The following RAB28 variants were observed in gnomAD, a reference collection of about 807,000 sequenced individuals.
The protein encoded by RAB28 is RAB28, member RAS oncogene family.
Under a neutral mutation model 31.7 loss-of-function variants are expected in RAB28, and 24 were observed. The ratio of observed to expected loss-of-function variants is 0.76; its 90% confidence interval spans 0.55 to 1.06. The LOEUF (loss-of-function observed/expected upper bound fraction) is 1.06, where lower values mean the gene tolerates loss of function less well. Among genes scored for constraint, RAB28 ranks in the 50% least tolerant of loss-of-function variants. The pLI, the probability that RAB28 is intolerant of heterozygous loss-of-function variation, is 0.00. For synonymous variants in RAB28, 100 were observed against 90.4 expected (o/e 1.11, Z -0.60); for missense variants, 254 against 258.5 (o/e 0.98, Z 0.12).
chr4:13,396,752 A>T (rs1232550953), intron 4 of RAB28, among the ~76,000 whole-genome samples: 1 of 152,040 alleles, frequency 6.6e-6, no homozygotes, highest in Non-Finnish European at 1.5e-5. Context: ...CCACTTTCAA[A>T]ACTGGGTTTT....
intron 4 of RAB28, among the ~76,000 whole-genome samples, chr4:13,430,406 C>T (rs183099491): frequency 2.6e-5 from 4 of 152,268 alleles, no homozygotes; most frequent in Admixed American, 6.5e-5. Context: ...ACCCAAGAAA[C>T]TCAGAGTCCC....
intron 4 of RAB28, among the ~76,000 whole-genome samples, chr4:13,427,654 A>C (rs1713580225): frequency 6.6e-6 from 1 of 152,212 alleles, no homozygotes; most frequent in South Asian, 2.1e-4. Context: ...ACTAAGCTGC[A>C]CGTGAATATG....
intron 4 of RAB28, among the ~76,000 whole-genome samples, chr4:13,401,925 A>G (rs1015611298): frequency 9.2e-5 from 14 of 152,238 alleles, no homozygotes; most frequent in Admixed American, 4.6e-4. Context: ...ATATTTCTCT[A>G]AACACTGCAT....
At chr4:13,408,740 T>C (rs552936727) in intron 4 of RAB28, among the ~76,000 whole-genome samples, 13 of 152,176 alleles carry the variant, frequency 8.5e-5, no homozygotes, top group African/African-American at 1.2e-4. Context: ...CATAAGTTCC[T>C]GAATTTTCTA....
intron 4 of RAB28, among the ~76,000 whole-genome samples, chr4:13,428,034 G>A (rs960914844): frequency 1.3e-5 from 2 of 152,112 alleles, no homozygotes; most frequent in African/African-American, 2.4e-5. Flanking sequence ...GAGCAAGCAG[G>A]GGGTACATAA....
At chr4:13,422,448 C>T (rs1713214172) in intron 4 of RAB28, among the ~76,000 whole-genome samples, 1 of 152,120 alleles carries the variant, frequency 6.6e-6, no homozygotes, top group African/African-American at 2.4e-5. Context: ...CACATGCACA[C>T]CTATGTTTAT....
intron 5 of RAB28, among the ~76,000 whole-genome samples, chr4:13,377,478 T>A (rs1373544685): frequency 6.6e-6 from 1 of 152,194 alleles, no homozygotes; most frequent in Non-Finnish European, 1.5e-5. Context: ...TCACTGATGG[T>A]CAATGGTCAA....
At chr4:13,474,288 A>G (rs1716250537) in intron 3 of RAB28, 30 bp downstream of exon 3, 4 of 1,409,636 alleles carry the variant, frequency 2.8e-6, no homozygotes, top group Non-Finnish European at 4.0e-6. Flanking sequence ...TATACTTTCA[A>G]TACTGGAATA....
At chr4:13,455,107 T>A (rs1044725649) in intron 4 of RAB28, among the ~76,000 whole-genome samples, 1 of 152,148 alleles carries the variant, frequency 6.6e-6, no homozygotes, top group East Asian at 1.9e-4. Context: ...GGGGATGTAT[T>A]TGCCAGGGGC....
chr4:13,463,520 C>A (rs1377903274), intron 3 of RAB28, among the ~76,000 whole-genome samples: 1 of 152,140 alleles, frequency 6.6e-6, no homozygotes, highest in Non-Finnish European at 1.5e-5. Context: ...GTGGCTACAA[C>A]AGAGACAACA....
rs200975881 is a variant in RAB28 at position 13,429,393 on chromosome 4, C to CA, written c.391+31305dup. On this transcript the variant is annotated intron_variant, in intron 4 of 6. Transcript: ENST00000330852. Reference sequence around the variant, plus strand: ...TATATTGAAAATCTTGAAGAATCCACAAAAAAAACTATTAGAGGAAATAAA... The same window carrying CA: ...TATATTGAAAATCTTGAAGAATCCACAAAAAAAAACTATTAGAGGAAATAAA... 4.0e-3 allele frequency among the ~76,000 whole-genome samples: 603 copies of CA among 151,494 alleles called. 5 individuals are homozygous for CA. Among genetic ancestry groups the CA allele is most frequent in the African/African-American group, 0.013 (554 of 41,322 alleles).
chr4:13,478,649 G>A (rs1716471808), intron 2 of RAB28, among the ~76,000 whole-genome samples: 1 of 151,626 alleles, frequency 6.6e-6, no homozygotes, highest in Non-Finnish European at 1.5e-5. Context: ...GAGAGAGATG[G>A]ATGGTTTATA....
chr4:13,376,252 A>C (rs1728917361), intron 6 of RAB28, among the ~76,000 whole-genome samples: 1 of 152,178 alleles, frequency 6.6e-6, no homozygotes, highest in African/African-American at 2.4e-5. Context: ...AGAAGTGCCA[A>C]ACAATGTGGT....
chr4:13,442,839 C>T (rs1714495198), intron 4 of RAB28, among the ~76,000 whole-genome samples: 1 of 152,062 alleles, frequency 6.6e-6, no homozygotes, highest in Non-Finnish European at 1.5e-5. Context: ...GATGACAAAA[C>T]TAAGGTAAAA....
chr4:13,373,689 G>C (rs990055359), intron 6 of RAB28, among the ~76,000 whole-genome samples: 1 of 152,088 alleles, frequency 6.6e-6, no homozygotes, highest in African/African-American at 2.4e-5. Context: ...GAGCAATCTA[G>C]GTTAGAAATA....
At chr4:13,408,478 T>C (rs375659032) in intron 4 of RAB28, among the ~76,000 whole-genome samples, 9 of 152,184 alleles carry the variant, frequency 5.9e-5, no homozygotes, top group Non-Finnish European at 8.8e-5. Context: ...ATTTTCTTTT[T>C]TTGTGTGTGT....
intron 6 of RAB28, among the ~76,000 whole-genome samples, chr4:13,373,860 C>T (rs140375736): frequency 6.6e-6 from 1 of 151,986 alleles, no homozygotes; most frequent in Non-Finnish European, 1.5e-5. Context: ...ATACAAAGTA[C>T]TTTCAAACAT....
chr4:13,457,722 G>C (rs1206247234), intron 4 of RAB28, among the ~76,000 whole-genome samples: 1 of 151,832 alleles, frequency 6.6e-6, no homozygotes, highest in Admixed American at 6.6e-5. Flanking sequence ...TTTAAAACAT[G>C]GGCATGCCAC....
intron 4 of RAB28, among the ~76,000 whole-genome samples, chr4:13,385,679 G>C (rs954867383): frequency 2.6e-5 from 4 of 152,148 alleles, no homozygotes; most frequent in African/African-American, 9.7e-5. Context: ...CCTAAAGGAA[G>C]CAGTGAATAT....
Sources: allele counts gnomAD v4.1 joint callset (sites outside exome capture counted in the v4.1 genomes callset), GRCh38; gene constraint gnomAD v4.1.1; transcripts MANE v1.5; gene names NCBI Gene and HGNC (gene_info 2026-07-23, HGNC 2026-07-21).